CAPN1: variants seen among roughly 807,000 people sequenced by gnomAD.
CAPN1 encodes the protein calpain 1.
In CAPN1, 77 loss-of-function variants were observed where a neutral mutation model predicts 105.2. That is an observed-to-expected ratio of 0.73 (90% CI 0.61 to 0.88). The LOEUF is 0.88. CAPN1 is among the 40% of genes least tolerant of loss of function. CAPN1 has a pLI of 0.00. For missense variants in CAPN1, 833 were observed against 976.6 expected (o/e 0.85, Z 1.96); for synonymous variants, 355 against 388.8 (o/e 0.91, Z 1.02).
At chr11:65,187,540 T>C in intron 7 of CAPN1, 4 of 569,862 alleles carry the variant, frequency 7.0e-6, no homozygotes. Context: ...AGGCTTCATC[T>C]GGGTGCTGAG....
intron 12 of CAPN1, 103 bp from the exon 13 acceptor site, chr11:65,206,360 C>T (rs1948956711): frequency 2.3e-6 from 2 of 866,336 alleles, no homozygotes; most frequent in Non-Finnish European, 3.8e-6. Flanking sequence ...AGCTCTCCAG[C>T]CCCTTGGCCA....
chr11:65,190,611 C>T (rs1204199119), intron 10 of CAPN1, among the ~76,000 whole-genome samples: 1 of 152,214 alleles, frequency 6.6e-6, no homozygotes. Context: ...GCCGATAACA[C>T]ATTGAATCCA....
chr11:65,211,176 TGG>T (rs1362929490), intron 21 of CAPN1, 82 bp from the exon 22 acceptor site: 2 of 1,483,570 alleles, frequency 1.3e-6, no homozygotes, highest in Non-Finnish European at 1.9e-6. Context: ...GACGTGGAGT[TGG>T]GGGCTGGACC....
intron 10 of CAPN1, among the ~76,000 whole-genome samples, chr11:65,199,751 A>T (rs1276813299): frequency 6.6e-6 from 1 of 152,224 alleles, no homozygotes; most frequent in African/African-American, 2.4e-5. Context: ...TTTTGTTTCT[A>T]GAAGATGTAA....
chr11:65,201,403 A>C (rs1674120875), intron 10 of CAPN1, among the ~76,000 whole-genome samples: 1 of 152,136 alleles, frequency 6.6e-6, no homozygotes, highest in Non-Finnish European at 1.5e-5. Context: ...CGCTTTTAAG[A>C]CTAAATTATC....
At position 65,206,513 on chromosome 11, in the gene CAPN1, T is replaced by C. The variant is rs770711807; in HGVS notation, c.1404T>C (p.Asn468=). ...TGAAGCGTGACTTCTTCCTGGCCAATGCGTCTCGGGCGCGCTCAGAGCAGT... is the reference window on the plus strand; with the variant it reads ...TGAAGCGTGACTTCTTCCTGGCCAACGCGTCTCGGGCGCGCTCAGAGCAGT... The part of the protein sequence containing the change: ...VHLKRDFFLA[N]ASRARSEQFI... The change falls in exon 13 of 22, where the codon AAT becomes AAC. Residue 468 remains asparagine (N), a synonymous_variant. Transcript: ENST00000279247. 5 of 1,613,376 alleles carry C rather than the reference T, an allele frequency of 3.1e-6. No homozygotes were observed. The highest frequency in any genetic ancestry group is 1.3e-5 in the African/African-American group (1 of 75,024).
chr11:65,184,355 G>A (rs1162820151), intron 4 of CAPN1, among the ~76,000 whole-genome samples: 1 of 152,150 alleles, frequency 6.6e-6, no homozygotes, highest in African/African-American at 2.4e-5. Context: ...CAGTCTGCAG[G>A]GGCGCAGTCT....
chr11:65,189,845 A>G (rs549112752), intron 10 of CAPN1, among the ~76,000 whole-genome samples: 1 of 152,138 alleles, frequency 6.6e-6, no homozygotes, highest in South Asian at 2.1e-4. Flanking sequence ...GGTTAGTAAC[A>G]TTTCCACTCT....
chr11:65,190,848 GA>G (rs1948710601), intron 10 of CAPN1, among the ~76,000 whole-genome samples: 2 of 152,058 alleles, frequency 1.3e-5, no homozygotes, highest in South Asian at 4.1e-4. Flanking sequence ...GAGTAGCTGT[GA>G]TTACAGGTGC....
At chr11:65,206,957 G>C (rs1288712123) in intron 14 of CAPN1, 138 bp downstream of exon 14, 1 of 763,576 alleles carries the variant, frequency 1.3e-6, no homozygotes, top group Admixed American at 2.7e-5. Context: ...TAGGAGTAGT[G>C]CTAATCCCTC....
At position 65,209,416 on chromosome 11, in the gene CAPN1, A is replaced by G; in HGVS notation, c.1794+29A>G. 1 of 1,600,900 alleles carries G rather than the reference A, an allele frequency of 6.2e-7. No homozygotes were observed. ...TCCTTCCGTTTGCTTTTGTCTCCTGAGTGGGGTTTTGGGTGGAGGTATCGG... is the reference window on the plus strand; with the variant it reads ...TCCTTCCGTTTGCTTTTGTCTCCTGGGTGGGGTTTTGGGTGGAGGTATCGG... On this transcript the variant is annotated intron_variant, in intron 17 of 21. Coordinates refer to ENST00000279247, the MANE Select transcript of CAPN1 (RefSeq NM_005186.4). The surrounding 1 kb of genome is among the most constrained non-coding windows in gnomAD (Gnocchi z 4.1).
Position 65,188,684 on chromosome 11 carries a change from C to G in CAPN1, c.1103C>G (p.Thr368Ser), listed in dbSNP as rs544101622. ...AGCCGGACCATCCGCAAATGGAACA[C>G]CACACTCTACGAAGGCACCTGGCGG... Reference protein sequence around the residue: ...LKSRTIRKWNTTLYEGTWRRG... With the variant: ...LKSRTIRKWNSTLYEGTWRRG... The change falls in exon 10 of 22, where the codon ACC (threonine) becomes AGC (serine). Residue 368 changes from threonine (T) to serine (S), a missense_variant. Physicochemically the swap from Thr to Ser is moderately conservative, Grantham distance 58. Coordinates refer to ENST00000279247, the MANE Select transcript of CAPN1 (RefSeq NM_005186.4). The surrounding 1 kb of genome is among the most constrained non-coding windows in gnomAD (Gnocchi z 5.5). 1 of 1,613,052 alleles carries G rather than the reference C, an allele frequency of 6.2e-7. No homozygotes were observed. Among genetic ancestry groups the G allele is most frequent in the Non-Finnish European group, 8.5e-7 (1 of 1,179,474 alleles).
intron 10 of CAPN1, among the ~76,000 whole-genome samples, chr11:65,202,446 G>A (rs147454593): frequency 5.4e-5 from 8 of 147,486 alleles, no homozygotes; most frequent in Non-Finnish European, 1.0e-4. Flanking sequence ...TTATTTGTTT[G>A]TTTGTTTGTT....
At position 65,188,662 on chromosome 11, in the gene CAPN1, C is replaced by G. The variant is rs200133179; in HGVS notation, c.1081C>G (p.Arg361Gly). ...CCTCACACCCGACGCCCTCAAGAGC[C>G]GGACCATCCGCAAATGGAACACCAC... Reference protein sequence around the residue: ...CNLTPDALKSRTIRKWNTTLY... With the variant: ...CNLTPDALKSGTIRKWNTTLY... Residue 361 changes from arginine (R) to glycine (G), a missense_variant, in exon 10 of 22, where the codon CGG (arginine) becomes GGG (glycine). Physicochemically the swap from Arg to Gly is moderately radical, Grantham distance 125. Coordinates refer to ENST00000279247, the MANE Select transcript of CAPN1 (RefSeq NM_005186.4). The surrounding 1 kb of genome is among the most constrained non-coding windows in gnomAD (Gnocchi z 5.5). The G allele has an allele frequency of 6.2e-7, 1 of 1,613,726 alleles. No homozygotes were observed. Among genetic ancestry groups the G allele is most frequent in the African/African-American group, 1.3e-5 (1 of 74,918 alleles).
intron 6 of CAPN1, 27 bp downstream of exon 6, chr11:65,186,365 G>A (rs1354405541): frequency 6.3e-7 from 1 of 1,590,968 alleles, no homozygotes. Flanking sequence ...CCGATGCTTT[G>A]GTACCCTGGA....
intron 14 of CAPN1, among the ~76,000 whole-genome samples, chr11:65,207,269 G>A (rs538787687): frequency 6.9e-6 from 1 of 145,716 alleles, no homozygotes; most frequent in African/African-American, 2.6e-5. Context: ...GCGTGATCTC[G>A]GCTCACTGCA....
intron 12 of CAPN1, chr11:65,206,036 G>A: frequency 1.9e-6 from 1 of 525,562 alleles, no homozygotes; most frequent in Non-Finnish European, 3.4e-6. Flanking sequence ...AGCAATGTCA[G>A]GAGCAGGGCA....
In CAPN1 at chr11:65,209,696, G is replaced by A. The variant is rs982140862; in HGVS notation, c.1795-153G>A. The A allele has an allele frequency of 9.3e-6, 7 of 753,332 alleles. No homozygotes were observed. Among genetic ancestry groups the A allele is most frequent in the East Asian group, 2.7e-5 (1 of 37,128 alleles). The allele number at this position is 753,332 out of a possible 1,614,324, so 46.7% of individuals were successfully genotyped here. ...CCAGCTCAGAGAATAAGGCAAGCCCGGCTGTGGGCTGACTGTACATGGCTT... is the reference window on the plus strand; with the variant it reads ...CCAGCTCAGAGAATAAGGCAAGCCCAGCTGTGGGCTGACTGTACATGGCTT... On this transcript the variant is annotated intron_variant, in intron 17 of 21. Coordinates refer to ENST00000279247, the MANE Select transcript of CAPN1 (RefSeq NM_005186.4). The surrounding 1 kb of genome is among the most constrained non-coding windows in gnomAD (Gnocchi z 4.1).
Position 65,211,684 on chromosome 11 carries a change from GAC to G in CAPN1, c.*402_*403del. The G allele has an allele frequency of 4.1e-6, 1 of 241,322 alleles. No individual in the cohort carries two copies. Among genetic ancestry groups the G allele is most frequent in the Non-Finnish European group, 8.4e-6 (1 of 119,452 alleles). The allele number at this position is 241,322 out of a possible 1,614,324, so 14.9% of individuals were successfully genotyped here. On this transcript the variant is annotated 3_prime_UTR_variant, in exon 22 of 22. Coordinates refer to ENST00000279247, the MANE Select transcript of CAPN1 (RefSeq NM_005186.4). ...GACTATAAACTATAACCACTAGCTC[GAC>G]ACAGTCTGCAGTCCAGGCGTGTGGA...
Sources: gnomAD v4.1 joint callset for allele counts (sites outside exome capture counted in the v4.1 genomes callset) on GRCh38, gnomAD v4.1.1 for gene constraint, Gnocchi (gnomAD v3.1) non-coding constraint, MANE v1.5 for transcripts, NCBI Gene and HGNC (gene_info 2026-07-23, HGNC 2026-07-21) for gene names.